NUDT22: variants seen among roughly 807,000 people sequenced by gnomAD.
NUDT22 encodes nudix hydrolase 22.
In NUDT22, 23 loss-of-function variants were observed where a neutral mutation model predicts 28.8. The observed-to-expected ratio is 0.80, with a 90% CI of 0.58 to 1.13. NUDT22 has a LOEUF of 1.13. Among genes scored for constraint, NUDT22 ranks in the 50% most tolerant of loss-of-function variants. The probability of loss-of-function intolerance (pLI) is 0.00; values close to 1 mark genes in which losing one functional copy is unlikely to be tolerated. For missense variants in NUDT22, 358 were observed against 387.3 expected (o/e 0.92, Z 0.64); for synonymous variants, 175 against 173.7 (o/e 1.01, Z -0.06).
rs368212941 is a variant in NUDT22 at position 64,229,683 on chromosome 11, C to T, written c.771+112C>T. 8.9e-5 allele frequency: 121 copies of T among 1,352,382 alleles called. No individual in the cohort carries two copies. In the East Asian group the frequency reaches 2.5e-3, roughly 28 times the overall value. The allele number at this position is 1,352,382 out of a possible 1,614,324, so 83.8% of individuals were successfully genotyped here. A position where few individuals can be genotyped will look rare whatever the true frequency, so the allele number is the denominator to read the frequency against. The stretch of plus-strand genomic sequence containing the variant: ...GCTGGGTCACAATTCCCTCCAGAGT[C>T]ACAAGATTTGCCCTCAGTGCAAGGG... On this transcript the variant is annotated intron_variant, in intron 5 of 5. Transcript: ENST00000279206.
rs1441756688 is a variant in NUDT22, at chr11:64,227,964, G to A, written c.579+298G>A. On this transcript the variant is annotated intron_variant, in intron 3 of 5. Coordinates refer to ENST00000279206, the MANE Select transcript of NUDT22 (RefSeq NM_032344.4). ...TGCTCACTGCAAGCTCCACCTCCCG[G>A]GTTCACGCCATTCTCCTACCTCAGC... The A allele has an allele frequency of 9.7e-6, 3 of 309,138 alleles. No homozygotes were observed. The East Asian group carries it at 2.4e-4, about 25-fold the overall frequency. 19.1% of individuals were successfully genotyped at this position (309,138 alleles called of 1,614,324 possible).
rs201016251 is a variant in NUDT22 at position 64,226,620 on chromosome 11, C to T, written c.-18-15C>T. On this transcript the variant is annotated splice_polypyrimidine_tract_variant and intron_variant, in intron 1 of 5. Coordinates refer to ENST00000279206, the MANE Select transcript of NUDT22 (RefSeq NM_032344.4). ...GGCCCCCCTGGATGACAGGCCTGGC[C>T]GTATCCTCCCCCAGAGCTGCCCCGT... The T allele has an allele frequency of 9.1e-6, 14 of 1,537,952 alleles. No individual in the cohort carries two copies. The African/African-American group carries it at 1.8e-4, about 20-fold the overall frequency.
intron 5 of NUDT22, 21 bp downstream of exon 5, chr11:64,229,592 T>G: frequency 6.2e-7 from 1 of 1,608,136 alleles, no homozygotes; most frequent in Non-Finnish European, 8.5e-7. Flanking sequence ...ACAAACCATC[T>G]TGCTTGGAGG....
At chr11:64,230,043 A>G (rs1209301315), downstream of NUDT22, 1 of 1,585,218 alleles carries the variant, frequency 6.3e-7, no homozygotes, top group Non-Finnish European at 8.6e-7. Context: ...TATTTCTGTA[A>G]CAGAGAGGAG....
chr11:64,227,963 G>A (rs1947091033), intron 3 of NUDT22: 8 of 314,586 alleles, frequency 2.5e-5, no homozygotes, highest in South Asian at 1.2e-4. Flanking sequence ...TCCACCTCCC[G>A]GGTTCACGCC....
Position 64,226,356 on chromosome 11 carries a change from C to G in NUDT22, c.-90C>G. On this transcript the variant is annotated 5_prime_UTR_variant, in exon 1 of 6. Coordinates refer to ENST00000279206, the MANE Select transcript of NUDT22 (RefSeq NM_032344.4). ...CCTGGAAAGGGGTCCCCGCGCGCCC[C>G]GGGTCGGAGGCAGACCCCTGGGTTT... 8.1e-7 allele frequency: 1 copy of G among 1,236,788 alleles called. No homozygotes were observed. Among genetic ancestry groups the G allele is most frequent in the Non-Finnish European group, 1.0e-6 (1 of 988,636 alleles). 76.6% of individuals were successfully genotyped at this position (1,236,788 alleles called of 1,614,324 possible). A position where few individuals can be genotyped will look rare whatever the true frequency, so the allele number is the denominator to read the frequency against.
chr11:64,228,096 C>T (rs571914260), intron 3 of NUDT22, among the ~76,000 whole-genome samples: 3 of 151,314 alleles, frequency 2.0e-5, no homozygotes, highest in African/African-American at 7.3e-5. Flanking sequence ...TGGTCTTGAT[C>T]TCCTGACCTC....
chr11:64,228,511 A>G (rs1816821207), intron 3 of NUDT22: 1 of 151,998 alleles, frequency 6.6e-6, no homozygotes, highest in South Asian at 2.1e-4. Context: ...AAAAATACCA[A>G]AAGTTAGCCG....
At chr11:64,228,425 G>A (rs1366412490) in intron 3 of NUDT22, 1 of 152,068 alleles carries the variant, frequency 6.6e-6, no homozygotes, top group African/African-American at 2.4e-5. Flanking sequence ...AGCACTTTGG[G>A]AGGCTGAGGT....
rs1947053021 is a variant in NUDT22, at chr11:64,227,138, A to G, written c.480+6A>G. ...GTGGGCACCCTGAGCCTCAGGTGAG[A>G]TTCCAGGCTGGGCACAAAGACCCAG... On this transcript the variant is annotated splice_donor_region_variant and intron_variant, in intron 2 of 5. Transcript: ENST00000279206. 2.5e-6 allele frequency: 4 copies of G among 1,581,902 alleles called. No individual in the cohort carries two copies. Among genetic ancestry groups the G allele is most frequent in the Non-Finnish European group, 3.4e-6 (4 of 1,169,622 alleles).
chr11:64,226,295 C>T lies in NUDT22; in HGVS notation c.-151C>T. On this transcript the variant is annotated 5_prime_UTR_variant, in exon 1 of 6. Coordinates refer to ENST00000279206, the MANE Select transcript of NUDT22 (RefSeq NM_032344.4). Reference sequence around the variant, plus strand: ...GGGCGGAGCCTGAGGGACCCGGCGGCTGGTGAGCGCCCGCTGGAGGCTGGA... The same window carrying T: ...GGGCGGAGCCTGAGGGACCCGGCGGTTGGTGAGCGCCCGCTGGAGGCTGGA... 2.2e-6 allele frequency: 2 copies of T among 894,906 alleles called. No homozygotes were observed. The highest frequency in any genetic ancestry group is 2.9e-6 in the Non-Finnish European group (2 of 690,432). The allele number at this position is 894,906 out of a possible 1,614,324, so 55.4% of individuals were successfully genotyped here. A position where few individuals can be genotyped will look rare whatever the true frequency, so the allele number is the denominator to read the frequency against.
chr11:64,229,055 C>G (rs1258314726), intron 3 of NUDT22, 192 bp from the exon 4 acceptor site: 2 of 559,788 alleles, frequency 3.6e-6, no homozygotes, highest in South Asian at 2.3e-5. Flanking sequence ...GCAACGTGTT[C>G]AATCTCTCTG....
At chr11:64,227,709 G>A (rs375245205) in intron 3 of NUDT22, 43 bp downstream of exon 3, 371 of 1,529,412 alleles carry the variant, frequency 2.4e-4, no homozygotes, top group Middle Eastern at 5.1e-4. Flanking sequence ...CATGAAGGGA[G>A]GGGGTAGGAC....
rs146389063 is a variant in NUDT22 at position 64,229,943 on chromosome 11, C to A, written c.865C>A (p.Pro289Thr). ...CCTCTACAACCGGGTTCAGGGAAGT[C>A]CCACTGGAGCGGCCCTAGGGTCCCC... ...IILYNRVQGSPTGAALGSPAL... is the reference protein window; with the variant it reads ...IILYNRVQGSTTGAALGSPAL... Residue 289 changes from proline (P) to threonine (T), a missense_variant, in exon 6 of 6, where the codon CCC (proline) becomes ACC (threonine). Coordinates refer to ENST00000279206, the MANE Select transcript of NUDT22 (RefSeq NM_032344.4). 1 of 1,613,274 alleles carries A rather than the reference C, an allele frequency of 6.2e-7. No homozygotes were observed. Among genetic ancestry groups the A allele is most frequent in the Non-Finnish European group, 8.5e-7 (1 of 1,180,008 alleles).
At position 64,226,872 on chromosome 11, in the gene NUDT22, C is replaced by CG; in HGVS notation, c.225dup (p.Pro76AlafsTer37). Reference sequence around the variant, plus strand: ...AGCCACCCTGGCGCCTATTGGCTCTCGGGGGCCACAGCTGCTCCTGCGCCT... The same window carrying CG: ...AGCCACCCTGGCGCCTATTGGCTCTCGGGGGGCCACAGCTGCTCCTGCGCCT... On this transcript the variant is annotated frameshift_variant, in exon 2 of 6. Transcript: ENST00000279206. LOFTEE classifies it high-confidence loss of function. 2 of 1,605,724 alleles carry CG rather than the reference C, an allele frequency of 1.2e-6. No individual in the cohort carries two copies. The highest frequency in any genetic ancestry group is 1.1e-5 in the South Asian group (1 of 91,082).
chr11:64,227,024 C>G lies in NUDT22; in HGVS notation c.372C>G (p.Gly124=), dbSNP rs749460356. 5.6e-6 allele frequency: 9 copies of G among 1,602,462 alleles called. No individual in the cohort carries two copies. The highest frequency in any genetic ancestry group is 7.6e-6 in the Non-Finnish European group (9 of 1,179,544). Residue 124 remains glycine, a synonymous_variant, in exon 2 of 6, where the codon GGC becomes GGG. Coordinates refer to ENST00000279206, the MANE Select transcript of NUDT22 (RefSeq NM_032344.4). ...ATCTGGCGGACCCACTGGGGGTGGG[C>G]GCTGCACTAGCCACAGCCGATGACT... The part of the protein sequence containing the change: ...QAYLADPLGV[G]AALATADDFL...
Position 64,226,411 on chromosome 11 carries a change from C to G in NUDT22, c.-35C>G, listed in dbSNP as rs1275211801. ...GACATGGGCATTTGGGGCGCCTGAA[C>G]CCAAGACCTCTGGATGGTAGGGATG... is the stretch of plus-strand genomic sequence containing the variant. On this transcript the variant is annotated 5_prime_UTR_variant, in exon 1 of 6. Coordinates refer to ENST00000279206, the MANE Select transcript of NUDT22 (RefSeq NM_032344.4). 6 of 1,337,458 alleles carry G rather than the reference C, an allele frequency of 4.5e-6. 1 individual carries two copies. In the South Asian group the frequency reaches 1.1e-4, roughly 24 times the overall value. The allele number at this position is 1,337,458 out of a possible 1,614,324, so 82.8% of individuals were successfully genotyped here.
At position 64,227,042 on chromosome 11, in the gene NUDT22, C is replaced by T. The variant is rs772608581; in HGVS notation, c.390C>T (p.Ala130=). 4.5e-5 allele frequency: 72 copies of T among 1,603,728 alleles called. No individual in the cohort carries two copies. Among genetic ancestry groups the T allele is most frequent in the South Asian group, 4.1e-4 (37 of 90,958 alleles). ...PLGVGAALAT[A]DDFLVFLRRS... ...GGGTGGGCGCTGCACTAGCCACAGC[C>T]GATGACTTCCTTGTCTTCCTGCGCC... is the stretch of plus-strand genomic sequence containing the variant. The change falls in exon 2 of 6, where the codon GCC becomes GCT. Residue 130 remains alanine, a synonymous_variant. Transcript: ENST00000279206.
Position 64,226,418 on chromosome 11 carries a change from C to T in NUDT22, c.-28C>T. On this transcript the variant is annotated 5_prime_UTR_variant, in exon 1 of 6. Coordinates refer to ENST00000279206, the MANE Select transcript of NUDT22 (RefSeq NM_032344.4). The stretch of plus-strand genomic sequence containing the variant: ...GCATTTGGGGCGCCTGAACCCAAGA[C>T]CTCTGGATGGTAGGGATGCCCGGGC... The T allele has an allele frequency of 7.3e-7, 1 of 1,371,192 alleles. No individual in the cohort carries two copies. Among genetic ancestry groups the T allele is most frequent in the Non-Finnish European group, 9.4e-7 (1 of 1,068,964 alleles). 84.9% of individuals were successfully genotyped at this position (1,371,192 alleles called of 1,614,324 possible).
Sources: gnomAD v4.1 joint callset for allele counts (sites outside exome capture counted in the v4.1 genomes callset) on GRCh38, gnomAD v4.1.1 for gene constraint, MANE v1.5 for transcripts, NCBI Gene and HGNC (gene_info 2026-07-23, HGNC 2026-07-21) for gene names.